The following ZDHHC14 variants were observed in gnomAD, a reference collection of about 807,000 sequenced individuals.
ZDHHC14 encodes the protein zDHHC palmitoyltransferase 14.
Under a neutral mutation model 47.7 loss-of-function variants are expected in ZDHHC14, and 16 were observed. The ratio of observed to expected loss-of-function variants is 0.34; its 90% CI spans 0.23 to 0.51. The LOEUF is 0.51. Ranked by LOEUF, ZDHHC14 falls within the 20% of genes least tolerant of loss-of-function variation. The pLI, the probability that ZDHHC14 is intolerant of heterozygous loss-of-function variation, is 0.97. For missense variants in ZDHHC14, 515 were observed against 662.5 expected (o/e 0.78, Z 2.44); for synonymous variants, 293 against 278.9 (o/e 1.05, Z -0.50).
At chr6:157,572,008 C>G (rs1371429469) in intron 2 of ZDHHC14, among the ~76,000 whole-genome samples, 1 of 152,000 alleles carries the variant, frequency 6.6e-6, no homozygotes, top group African/African-American at 2.4e-5. Flanking sequence ...AATGCAGATT[C>G]TGGCTCAGCA....
chr6:157,451,593 C>T (rs1044024370), intron 1 of ZDHHC14, among the ~76,000 whole-genome samples: 28 of 152,182 alleles, frequency 1.8e-4, no homozygotes, highest in Non-Finnish European at 4.4e-5. Flanking sequence ...CAGAGTCTTG[C>T]TCTGTCACCC....
chr6:157,641,282 G>A (rs987640876), intron 5 of ZDHHC14, among the ~76,000 whole-genome samples: 4 of 152,128 alleles, frequency 2.6e-5, no homozygotes, highest in Non-Finnish European at 2.9e-5. Context: ...TGAGTTGAAG[G>A]GAAGCACATT....
chr6:157,459,354 C>T (rs895564246), intron 1 of ZDHHC14, among the ~76,000 whole-genome samples: 2 of 152,130 alleles, frequency 1.3e-5, no homozygotes, highest in Admixed American at 6.6e-5. Flanking sequence ...CCCTTCTTCA[C>T]CAGCTGTTAA....
At chr6:157,553,521 T>A (rs1236451813) in intron 2 of ZDHHC14, among the ~76,000 whole-genome samples, 3 of 152,116 alleles carry the variant, frequency 2.0e-5, no homozygotes, top group Middle Eastern at 6.3e-3. Flanking sequence ...GTGATATTAC[T>A]GAGACTCTGC....
intron 1 of ZDHHC14, among the ~76,000 whole-genome samples, chr6:157,415,292 T>C (rs1363682151): frequency 6.6e-6 from 1 of 152,198 alleles, no homozygotes; most frequent in Non-Finnish European, 1.5e-5. Flanking sequence ...ACTGTCTTTA[T>C]TGCCAGTTTA....
chr6:157,629,149 C>T (rs1349915477), intron 4 of ZDHHC14, among the ~76,000 whole-genome samples: 2 of 152,194 alleles, frequency 1.3e-5, no homozygotes, highest in Non-Finnish European at 2.9e-5. Context: ...TTTGCCTAAG[C>T]AAATGGCATT....
At chr6:157,603,345 G>T (rs867753151) in intron 3 of ZDHHC14, among the ~76,000 whole-genome samples, 1 of 152,220 alleles carries the variant, frequency 6.6e-6, no homozygotes, top group Non-Finnish European at 1.5e-5. Context: ...TGACAAGGTC[G>T]TAGCACTCAG....
chr6:157,423,738 T>G (rs1267237909), intron 1 of ZDHHC14, among the ~76,000 whole-genome samples: 1 of 152,180 alleles, frequency 6.6e-6, no homozygotes, highest in Non-Finnish European at 1.5e-5. Flanking sequence ...GGCTAATCCT[T>G]GAGAAATGTG....
chr6:157,567,129 C>T (rs1026660657), intron 2 of ZDHHC14, among the ~76,000 whole-genome samples: 14 of 152,008 alleles, frequency 9.2e-5, no homozygotes, highest in Admixed American at 6.6e-5. Flanking sequence ...TGAGATTACA[C>T]GCGTGACCCA....
intron 1 of ZDHHC14, among the ~76,000 whole-genome samples, chr6:157,512,121 C>G (rs186238303): frequency 6.6e-6 from 1 of 152,180 alleles, no homozygotes; most frequent in Non-Finnish European, 1.5e-5. Context: ...TTCCCTCCTG[C>G]GGTAGGTCCA....
At chr6:157,383,955 G>A (rs1777264159) in intron 1 of ZDHHC14, among the ~76,000 whole-genome samples, 1 of 152,178 alleles carries the variant, frequency 6.6e-6, no homozygotes, top group African/African-American at 2.4e-5. Context: ...ATGAGTTTAC[G>A]TTATCTGTTA....
chr6:157,405,368 T>G lies in ZDHHC14; in HGVS notation c.245+23102T>G, dbSNP rs547563983. The stretch of plus-strand genomic sequence containing the variant: ...CTGCCTCAGCCTCCCAAGTAGCTGG[T>G]ACTACAGGCACCCGCCACCACGCCT... On this transcript the variant is annotated intron_variant, in intron 1 of 8. Transcript: ENST00000359775. Among the ~76,000 whole-genome samples the G allele has an allele frequency of 1.0e-3, 158 of 151,948 alleles. 1 individual carries two copies. The South Asian group carries it at 0.011, about 11-fold the overall frequency.
intron 7 of ZDHHC14, 80 bp downstream of exon 7, chr6:157,647,448 C>G (rs975350110): frequency 5.2e-6 from 6 of 1,145,346 alleles, no homozygotes; most frequent in Non-Finnish European, 5.1e-6. Context: ...GCCGCCCGCC[C>G]TGGTGGAATG....
chr6:157,412,966 G>T lies in ZDHHC14; in HGVS notation c.245+30700G>T, dbSNP rs535053144. ...CAAGGACATATGTTTTAGAGAGCCC[G>T]TGGGGTTAGCTGTTTGGCATCAGCG... On this transcript the variant is annotated intron_variant, in intron 1 of 8. Coordinates refer to ENST00000359775, the MANE Select transcript of ZDHHC14 (RefSeq NM_024630.3). Among the ~76,000 whole-genome samples, 142 of 152,332 alleles carry T rather than the reference G, an allele frequency of 9.3e-4. 1 individual carries two copies. Among genetic ancestry groups the T allele is most frequent in the Middle Eastern group, 3.4e-3 (1 of 294 alleles).
intron 1 of ZDHHC14, among the ~76,000 whole-genome samples, chr6:157,467,363 C>A (rs1779243834): frequency 6.6e-6 from 1 of 152,070 alleles, no homozygotes; most frequent in Non-Finnish European, 1.5e-5. Context: ...AACCACTAAT[C>A]TATTTTCTGT....
chr6:157,550,835 G>A (rs1782201488), intron 2 of ZDHHC14, among the ~76,000 whole-genome samples: 1 of 152,246 alleles, frequency 6.6e-6, no homozygotes, highest in Non-Finnish European at 1.5e-5. Flanking sequence ...TTTAGAGTTT[G>A]TGTTGAGCTG....
At chr6:157,667,876 C>T (rs1043014457) in intron 8 of ZDHHC14, among the ~76,000 whole-genome samples, 2 of 152,244 alleles carry the variant, frequency 1.3e-5, no homozygotes, top group Non-Finnish European at 1.5e-5. Flanking sequence ...GTTTTGAGAG[C>T]GTTTAATGAG....
At chr6:157,634,255 G>A (rs2077022288) in intron 5 of ZDHHC14, among the ~76,000 whole-genome samples, 1 of 152,102 alleles carries the variant, frequency 6.6e-6, no homozygotes, top group Non-Finnish European at 1.5e-5. Context: ...GATGGGGCCT[G>A]GGACATAAGG....
intron 1 of ZDHHC14, among the ~76,000 whole-genome samples, chr6:157,471,672 A>G (rs1779358627): frequency 6.6e-6 from 1 of 152,216 alleles, no homozygotes; most frequent in African/African-American, 2.4e-5. Flanking sequence ...TGGTTATAAA[A>G]CATCCAGGGA....
Sources: allele counts gnomAD v4.1 joint callset (sites outside exome capture counted in the v4.1 genomes callset), GRCh38; gene constraint gnomAD v4.1.1; transcripts MANE v1.5; gene names NCBI Gene and HGNC (gene_info 2026-07-23, HGNC 2026-07-21).